The following PROSER3 variants were observed in gnomAD, a reference collection of about 807,000 sequenced individuals.
PROSER3 encodes the protein proline and serine rich 3, also known as proline and serine-rich protein 3.
A neutral mutation model predicts 50.2 loss-of-function variants in PROSER3; 33 were observed. The ratio of observed to expected loss-of-function variants is 0.66; its 90% CI spans 0.50 to 0.88. PROSER3 has a LOEUF of 0.88. Ranked by LOEUF, PROSER3 falls within the 40% of genes least tolerant of loss-of-function variation. The pLI is 0.00. For synonymous variants in PROSER3, 266 were observed against 259.3 expected (o/e 1.03, Z -0.25); for missense variants, 623 against 612.7 (o/e 1.02, Z -0.18).
intron 3 of PROSER3, among the ~76,000 whole-genome samples, chr19:35,760,467 G>C (rs970448060): frequency 6.6e-6 from 1 of 152,078 alleles, no homozygotes; most frequent in African/African-American, 2.4e-5. Flanking sequence ...CTCTAAATTG[G>C]GTGTTTTGTT....
chr19:35,759,576 A>T (rs906676117), intron 2 of PROSER3, 106 bp downstream of exon 2: 7 of 1,171,212 alleles, frequency 6.0e-6, no homozygotes, highest in Non-Finnish European at 8.5e-6. Context: ...GAGATTTAAG[A>T]GACAGCCCCT....
chr19:35,762,260 C>T (rs1970977452), exon 5 of PROSER3: 1 of 1,611,244 alleles, frequency 6.2e-7, no homozygotes, highest in Non-Finnish European at 8.5e-7. Context: ...CAGCAGGAGC[C>T]AACAAACCAG....
At chr19:35,765,579 CAAA>C (rs1051517911) in intron 7 of PROSER3, among the ~76,000 whole-genome samples, 1 of 147,144 alleles carries the variant, frequency 6.8e-6, no homozygotes, top group African/African-American at 2.5e-5. Context: ...GACTCCATCT[CAAA>C]AATAAATAAA....
rs1048761298 is a variant in PROSER3 at position 35,760,248 on chromosome 19, C to T, written c.311+257C>T. On this transcript the variant is annotated intron_variant, in intron 3 of 10. Transcript: ENST00000396908. ...ATTTATTTGTTTAGAGACAGGGTCT[C>T]GCTCTGTTACTCAGGCTGGAGGTCA... is the stretch of plus-strand genomic sequence containing the variant. Among the ~76,000 whole-genome samples, 4 of 152,052 alleles carry T rather than the reference C, an allele frequency of 2.6e-5. No homozygotes were observed. In the South Asian group the frequency reaches 6.2e-4, roughly 24 times the overall value.
At chr19:35,766,075 G>A (rs1971132100) in intron 7 of PROSER3, among the ~76,000 whole-genome samples, 1 of 152,146 alleles carries the variant, frequency 6.6e-6, no homozygotes, top group Admixed American at 6.6e-5. Flanking sequence ...GCTGAGAGTA[G>A]GGAACAGATT....
intron 5 of PROSER3, 185 bp downstream of exon 5, chr19:35,762,541 TCTA>T: frequency 2.8e-6 from 1 of 362,502 alleles, no homozygotes; most frequent in Non-Finnish European, 4.8e-6. Flanking sequence ...AGATTCTGCC[TCTA>T]CTAAAAAAAA....
rs1971089302 is a variant in PROSER3 at position 35,764,978 on chromosome 19, C to T, written c.626+42C>T. The T allele has an allele frequency of 3.1e-6, 5 of 1,612,884 alleles. No homozygotes were observed. In the South Asian group the frequency reaches 5.5e-5, roughly 18 times the overall value. ...CCCCATCACCCTTCCTACTGCGGCT[C>T]CACGTGGCCCAGGTCTCGAGACCTC... is the stretch of plus-strand genomic sequence containing the variant. On this transcript the variant is annotated intron_variant, in intron 6 of 10. Transcript: ENST00000396908.
At chr19:35,766,253 G>A (rs903778980) in intron 7 of PROSER3, among the ~76,000 whole-genome samples, 1 of 152,126 alleles carries the variant, frequency 6.6e-6, no homozygotes, top group South Asian at 2.1e-4. Context: ...ATAAATATTT[G>A]TTGAATGAAA....
In PROSER3 at chr19:35,768,080, C is replaced by G. The variant is rs777222798; in HGVS notation, c.1219+15C>G. 6.3e-7 allele frequency: 1 copy of G among 1,588,474 alleles called. No homozygotes were observed. Among genetic ancestry groups the G allele is most frequent in the South Asian group, 1.1e-5 (1 of 88,236 alleles). On this transcript the variant is annotated intron_variant, in intron 9 of 10. Transcript: ENST00000396908. ...GGCTGCAGAAGGTGATGCCCGCGCC[C>G]TCCTGGATGTTGGAGGCAGGCCAGC...
exon 9 of PROSER3, chr19:35,767,903 G>A (rs768065219): frequency 1.9e-6 from 3 of 1,612,954 alleles, no homozygotes; most frequent in Non-Finnish European, 8.5e-7. Context: ...GCAGCCCGAG[G>A]TCCCACTCTC....
chr19:35,763,895 T>A (rs1971050507), intron 5 of PROSER3, among the ~76,000 whole-genome samples: 1 of 151,226 alleles, frequency 6.6e-6, no homozygotes. Flanking sequence ...CTTGAACTCT[T>A]TGCAACCTTC....
intron 8 of PROSER3, chr19:35,767,536 G>A (rs1971195419): frequency 5.8e-6 from 3 of 516,624 alleles, no homozygotes; most frequent in East Asian, 3.5e-5. Context: ...CCCAGCCTAA[G>A]AGCCTGGGGC....
exon 10 of PROSER3, chr19:35,768,176 A>G (rs1368171457): frequency 3.7e-6 from 6 of 1,613,538 alleles, no homozygotes; most frequent in Admixed American, 1.7e-5. Context: ...AGCGAGTTCC[A>G]GGACGATCCC....
chr19:35,760,398 CT>C (rs1970918185), intron 3 of PROSER3, among the ~76,000 whole-genome samples: 1 of 152,106 alleles, frequency 6.6e-6, no homozygotes, highest in African/African-American at 2.4e-5. Flanking sequence ...CCACCTTGGC[CT>C]CCAAAAAGTG....
At chr19:35,767,836 C>A in exon 9 of PROSER3, 1 of 1,613,152 alleles carries the variant, frequency 6.2e-7, no homozygotes, top group East Asian at 2.2e-5. Flanking sequence ...CCTTGCCGCC[C>A]GCAGCGGGGT....
intron 5 of PROSER3, chr19:35,762,815 C>T (rs7256373): frequency 0.086 from 12,968 of 151,088 alleles, 601 homozygotes; most frequent in African/African-American, 0.12. Context: ...AGGCAGATCA[C>T]GAGGTCAGGA....
chr19:35,765,060 C>T (rs755976528), exon 7 of PROSER3: 2 of 1,613,920 alleles, frequency 1.2e-6, no homozygotes, highest in Non-Finnish European at 8.5e-7. Flanking sequence ...TCCTCCTCCT[C>T]CCTCAGCCCC....
chr19:35,763,906 G>A (rs1417665813), intron 5 of PROSER3, among the ~76,000 whole-genome samples: 3 of 148,802 alleles, frequency 2.0e-5, no homozygotes, highest in Non-Finnish European at 4.5e-5. Context: ...TGCAACCTTC[G>A]CCTCCTGAGT....
chr19:35,765,894 G>A (rs930818057), intron 7 of PROSER3, among the ~76,000 whole-genome samples: 6 of 152,164 alleles, frequency 3.9e-5, no homozygotes, highest in Non-Finnish European at 8.8e-5. Context: ...AGATCTGATG[G>A]ATGTGAGAGA....
Sources: gnomAD v4.1 joint callset for allele counts (sites outside exome capture counted in the v4.1 genomes callset) on GRCh38, gnomAD v4.1.1 for gene constraint, MANE v1.5 for transcripts, NCBI Gene and HGNC (gene_info 2026-07-23, HGNC 2026-07-21) for gene names.